Variants in PTPRD observed in about 807,000 individuals in gnomAD.
The protein encoded by PTPRD is receptor-type tyrosine-protein phosphatase delta.
A neutral mutation model predicts 214.5 loss-of-function variants in PTPRD; 34 were observed. That is an observed-to-expected ratio of 0.16 (90% CI 0.12 to 0.21). The LOEUF (loss-of-function observed/expected upper bound fraction) is 0.21, where lower values mean the gene tolerates loss of function less well. PTPRD is among the 10% of genes least tolerant of loss of function. The pLI, the probability that PTPRD is intolerant of heterozygous loss-of-function variation, is 1.00. For synonymous variants in PTPRD, 1,128 were observed against 845.7 expected, an observed-to-expected ratio of 1.33 and a Z score of -5.79; for missense variants, 2,545 against 2,398.7, an observed-to-expected ratio of 1.06 and a Z score of -1.27.
At chr9:10,236,072 C>T (rs1346761415) in intron 3 of PTPRD, among the ~76,000 whole-genome samples, 1 of 151,810 alleles carries the variant, frequency 6.6e-6, no homozygotes, top group East Asian at 2.0e-4. Flanking sequence ...ACCTTAAAGT[C>T]ATTTTTCAAA....
intron 30 of PTPRD, among the ~76,000 whole-genome samples, chr9:8,475,703 G>T (rs148597147): frequency 2.6e-5 from 4 of 152,244 alleles, no homozygotes; most frequent in African/African-American, 9.6e-5. Flanking sequence ...AGAAACCTAG[G>T]TGTTATCATT....
At chr9:8,563,496 G>GGC (rs1593908999) in intron 14 of PTPRD, among the ~76,000 whole-genome samples, 1 of 148,684 alleles carries the variant, frequency 6.7e-6, no homozygotes, top group East Asian at 2.0e-4. Context: ...GGAGTGCAGT[G>GGC]GCGCAATCTT....
At chr9:10,073,139 C>T (rs1267808728) in intron 3 of PTPRD, among the ~76,000 whole-genome samples, 1 of 151,860 alleles carries the variant, frequency 6.6e-6, no homozygotes, top group African/African-American at 2.4e-5. Flanking sequence ...GAGAGGAGAA[C>T]GTTGAATAGA....
chr9:9,402,012 T>G (rs1013896016), intron 8 of PTPRD, among the ~76,000 whole-genome samples: 1 of 152,116 alleles, frequency 6.6e-6, no homozygotes, highest in Non-Finnish European at 1.5e-5. Context: ...AGTGTGAGAA[T>G]GGACTAATGC....
chr9:9,946,057 G>GTTGGGAAAGTCACCCTTCCCTTTCCGAC (rs139387979), intron 4 of PTPRD, among the ~76,000 whole-genome samples: 1 of 151,118 alleles, frequency 6.6e-6, no homozygotes, highest in African/African-American at 2.4e-5. Flanking sequence ...TCCTTTCCCA[G>GTTGGGAAAGTCACCCTTCCCTTTCCGAC]TTGGGAAAGT....
At chr9:8,454,811 AGTGTGTGT>A (rs3043784) in intron 33 of PTPRD, among the ~76,000 whole-genome samples, 1,632 of 148,614 alleles carry the variant, frequency 0.011, 13 homozygotes, top group South Asian at 0.02. Flanking sequence ...CTGAATACAT[AGTGTGTGT>A]GTGTGTGTGT....
intron 39 of PTPRD, among the ~76,000 whole-genome samples, chr9:8,372,291 C>A (rs1419821655): frequency 1.3e-5 from 2 of 151,876 alleles, no homozygotes; most frequent in African/African-American, 4.8e-5. Context: ...TCTCAGAGTT[C>A]TAAATATACA....
At chr9:9,968,086 T>A (rs1270965401) in intron 4 of PTPRD, among the ~76,000 whole-genome samples, 2 of 152,196 alleles carry the variant, frequency 1.3e-5, no homozygotes, top group African/African-American at 2.4e-5. Context: ...TTTAAAGATT[T>A]TGGACTAGGT....
chr9:9,576,034 C>G (rs1040807899), intron 7 of PTPRD, among the ~76,000 whole-genome samples: 3 of 152,014 alleles, frequency 2.0e-5, no homozygotes, highest in Non-Finnish European at 4.4e-5. Flanking sequence ...ACTGTGTAAC[C>G]TCTAGCTAAT....
In PTPRD at chr9:8,499,649, G is replaced by C. The variant is rs2136801820; in HGVS notation, c.2320C>G (p.Gln774Glu). The change falls in exon 25 of 46, where the codon CAG (glutamine) becomes GAG (glutamate). Residue 774 changes from glutamine (Q) to glutamate (E), a missense_variant and splice_region_variant. Gln to Glu is a conservative substitution (Grantham distance 29). Transcript: ENST00000381196. ...MLKDVMLADA[Q>E]WEFDDTTEHD... Reference sequence around the variant, plus strand: ...GGTACATAATTTCAGAGGCTTACCTGTGCATCAGCCAGCATGACATCTTTC... The same window carrying C: ...GGTACATAATTTCAGAGGCTTACCTCTGCATCAGCCAGCATGACATCTTTC... 6.2e-7 allele frequency: 1 copy of C among 1,613,054 alleles called. No individual in the cohort carries two copies. Among genetic ancestry groups the C allele is most frequent in the Non-Finnish European group, 8.5e-7 (1 of 1,179,548 alleles).
intron 5 of PTPRD, among the ~76,000 whole-genome samples, chr9:9,811,675 C>A (rs911183585): frequency 2.6e-5 from 4 of 152,140 alleles, no homozygotes; most frequent in African/African-American, 9.7e-5. Flanking sequence ...CCACTGCACT[C>A]CAGCCTGGGT....
chr9:8,909,074 A>C (rs1465161739), intron 11 of PTPRD, among the ~76,000 whole-genome samples: 1 of 152,008 alleles, frequency 6.6e-6, no homozygotes, highest in South Asian at 2.1e-4. Flanking sequence ...CAGTAGCAAA[A>C]CTGACTCAAA....
intron 3 of PTPRD, among the ~76,000 whole-genome samples, chr9:10,286,581 A>G (rs980350910): frequency 7.9e-5 from 12 of 152,146 alleles, no homozygotes; most frequent in Non-Finnish European, 1.5e-5. Flanking sequence ...TACTCAAACT[A>G]CTATAAATGT....
chr9:10,592,413 G>A (rs566546733), intron 2 of PTPRD, among the ~76,000 whole-genome samples: 1 of 152,058 alleles, frequency 6.6e-6, no homozygotes, highest in East Asian at 1.9e-4. Context: ...TGTGAAGAGG[G>A]GAAAAAATTG....
intron 7 of PTPRD, among the ~76,000 whole-genome samples, chr9:9,714,225 T>C (rs1275088174): frequency 6.6e-6 from 1 of 152,200 alleles, no homozygotes; most frequent in Non-Finnish European, 1.5e-5. Context: ...CATGGGGCTA[T>C]AGCACATGTT....
At chr9:9,452,880 T>G (rs963043533) in intron 8 of PTPRD, among the ~76,000 whole-genome samples, 1 of 151,580 alleles carries the variant, frequency 6.6e-6, no homozygotes, top group African/African-American at 2.4e-5. Flanking sequence ...CTCAAGCTCT[T>G]GAGATAAATC....
intron 3 of PTPRD, among the ~76,000 whole-genome samples, chr9:10,049,436 A>AAAGAAAT: frequency 7.6e-6 from 1 of 131,854 alleles, no homozygotes; most frequent in Non-Finnish European, 1.6e-5. Flanking sequence ...AGAAAGAAAG[A>AAAGAAAT]AAAGAAAAAA....
At chr9:10,579,658 T>A (rs1244758261) in intron 2 of PTPRD, among the ~76,000 whole-genome samples, 1 of 152,202 alleles carries the variant, frequency 6.6e-6, no homozygotes, top group South Asian at 2.1e-4. Context: ...GGTCAAATAA[T>A]AGTTCTAAGT....
At chr9:10,397,382 T>G (rs911455034) in intron 2 of PTPRD, among the ~76,000 whole-genome samples, 1 of 152,052 alleles carries the variant, frequency 6.6e-6, no homozygotes, top group African/African-American at 2.4e-5. Flanking sequence ...GCTGTACTTG[T>G]TACCTAGCAA....
Sources: allele counts gnomAD v4.1 joint callset (sites outside exome capture counted in the v4.1 genomes callset), GRCh38; gene constraint gnomAD v4.1.1; transcripts MANE v1.5; gene names NCBI Gene and HGNC (gene_info 2026-07-23, HGNC 2026-07-21).